The following CTDNEP1 variants were observed in gnomAD, a reference collection of about 807,000 sequenced individuals.
CTDNEP1 encodes C-terminal domain nuclear envelope phosphatase 1.
CTDNEP1 carries 3 observed loss-of-function variants against 30.1 expected under a neutral mutation model. The ratio of observed to expected loss-of-function variants is 0.10; its 90% CI spans 0.05 to 0.26. The LOEUF (loss-of-function observed/expected upper bound fraction) is 0.26, where lower values mean the gene tolerates loss of function less well. Among genes scored for constraint, CTDNEP1 ranks in the 10% least tolerant of loss-of-function variants. The pLI, the probability that CTDNEP1 is intolerant of heterozygous loss-of-function variation, is 1.00. For synonymous variants in CTDNEP1, 123 were observed against 118.8 expected (o/e 1.04, Z -0.23); for missense variants, 158 against 310.4 (o/e 0.51, Z 3.69).
In CTDNEP1 at chr17:7,243,880, TGTCACTCTGGCCA is replaced by T; in HGVS notation, c.*292_*304del. The T allele has an allele frequency of 8.6e-7, 1 of 1,158,290 alleles. No homozygotes were observed. Among genetic ancestry groups the T allele is most frequent in the South Asian group, 2.2e-5 (1 of 46,142 alleles). The allele number at this position is 1,158,290 out of a possible 1,614,324, so 71.8% of individuals were successfully genotyped here. A position where few individuals can be genotyped will look rare whatever the true frequency, so the allele number is the denominator to read the frequency against. On this transcript the variant is annotated 3_prime_UTR_variant, in exon 8 of 8. Transcript: ENST00000574322. Reference sequence around the variant, plus strand: ...TGAGCCTCCTGGATCACCGTATGTCTGTCACTCTGGCCAGTCCTGCCTCTTCACAAACACTGAT... The same window carrying T: ...TGAGCCTCCTGGATCACCGTATGTCTGTCCTGCCTCTTCACAAACACTGAT...
Position 7,246,857 on chromosome 17 carries a change from T to C in CTDNEP1, c.294A>G (p.Val98=), listed in dbSNP as rs747693333. The C allele has an allele frequency of 1.2e-6, 2 of 1,613,936 alleles. No homozygotes were observed. The highest frequency in any genetic ancestry group is 2.2e-5 in the South Asian group (2 of 91,078). The change falls in exon 4 of 8, where the codon GTA becomes GTG. Residue 98 remains valine, a synonymous_variant. Transcript: ENST00000574322. The surrounding 1 kb of genome is among the most constrained non-coding windows in gnomAD (Gnocchi z 4.9). ...GTPPDFILKV[V]IDKHPVRFFV... is the part of the protein sequence containing the mutation. ...AAAACCGGACAGGATGTTTGTCTAT[T>C]ACCACCTACAGAGGAACAAGATGGG...
intron 6 of CTDNEP1, among the ~76,000 whole-genome samples, chr17:7,245,254 T>G (rs2071820583): frequency 6.6e-6 from 1 of 151,932 alleles, no homozygotes; most frequent in South Asian, 2.1e-4. Flanking sequence ...ATCACGCCAC[T>G]GCATTCCAGC....
At chr17:7,249,630 G>C (rs769218731) in intron 1 of CTDNEP1, among the ~76,000 whole-genome samples, 3 of 152,170 alleles carry the variant, frequency 2.0e-5, no homozygotes, top group Non-Finnish European at 2.9e-5. Flanking sequence ...AAAGAAAACC[G>C]CTGGAGGCCG....
At chr17:7,245,075 G>A (rs781657063) in intron 6 of CTDNEP1, among the ~76,000 whole-genome samples, 9 of 152,282 alleles carry the variant, frequency 5.9e-5, no homozygotes, top group Non-Finnish European at 7.3e-5. Context: ...GACGAATCAC[G>A]AGGTCAGGAA....
chr17:7,249,393 G>A (rs1465165747), intron 1 of CTDNEP1, among the ~76,000 whole-genome samples: 1 of 152,164 alleles, frequency 6.6e-6, no homozygotes, highest in Non-Finnish European at 1.5e-5. Context: ...GCTATCTCGG[G>A]TTGCATATGC....
chr17:7,247,387 C>T (rs1388366266), intron 1 of CTDNEP1, 44 bp from the exon 2 acceptor site: 2 of 1,492,258 alleles, frequency 1.3e-6, no homozygotes, highest in Admixed American at 3.4e-5. Context: ...GATAAGGAAG[C>T]CTTCCCCAGT....
rs2071811511 is a variant in CTDNEP1, at chr17:7,244,342, T to G, written c.675-97A>C. ...CATCACTGGAGATGTGGGACCTAAA[T>G]TATCACCATATTCATGATTAGATAG... On this transcript the variant is annotated intron_variant, in intron 7 of 7. Coordinates refer to ENST00000574322, the MANE Select transcript of CTDNEP1 (RefSeq NM_001143775.2). 3 of 1,368,144 alleles carry G rather than the reference T, an allele frequency of 2.2e-6. No homozygotes were observed. The Admixed American group carries it at 5.5e-5, about 25-fold the overall frequency. 84.8% of individuals were successfully genotyped at this position (1,368,144 alleles called of 1,614,324 possible).
At chr17:7,250,214 G>C (rs1408536749) in intron 1 of CTDNEP1, among the ~76,000 whole-genome samples, 1 of 152,134 alleles carries the variant, frequency 6.6e-6, no homozygotes, top group East Asian at 1.9e-4. Flanking sequence ...AAATTGTATT[G>C]AGGTATGCTA....
intron 1 of CTDNEP1, among the ~76,000 whole-genome samples, chr17:7,248,942 A>G (rs2071878915): frequency 6.6e-6 from 1 of 152,172 alleles, no homozygotes; most frequent in Non-Finnish European, 1.5e-5. Context: ...TGTCCCTTCT[A>G]GCCAAGTCAC....
At position 7,247,000 on chromosome 17, in the gene CTDNEP1, A is replaced by G; in HGVS notation, c.288+64T>C. 1 of 1,427,480 alleles carries G rather than the reference A, an allele frequency of 7.0e-7. No individual in the cohort carries two copies. Among genetic ancestry groups the G allele is most frequent in the Non-Finnish European group, 9.9e-7 (1 of 1,014,740 alleles). 88.4% of individuals were successfully genotyped at this position (1,427,480 alleles called of 1,614,324 possible). A position where few individuals can be genotyped will look rare whatever the true frequency, so the allele number is the denominator to read the frequency against. Reference sequence around the variant, plus strand: ...GAGACAGATGCTCTGGGACTGGGAAAGGGAGTCCAGGTTTGGGCAGAGGAA... The same window carrying G: ...GAGACAGATGCTCTGGGACTGGGAAGGGGAGTCCAGGTTTGGGCAGAGGAA... On this transcript the variant is annotated intron_variant, in intron 3 of 7. Transcript: ENST00000574322. This position sits in a 1 kb window ranked among gnomAD's most constrained non-coding sequence, Gnocchi z 4.9.
intron 1 of CTDNEP1, 88 bp downstream of exon 1, chr17:7,251,107 G>A: frequency 2.2e-6 from 2 of 899,606 alleles, no homozygotes; most frequent in Non-Finnish European, 1.6e-6. Context: ...ACAGAGGCCC[G>A]ACACTCCGAA....
Position 7,246,696 on chromosome 17 carries a change from G to T in CTDNEP1, c.360+95C>A. The T allele has an allele frequency of 9.0e-7, 1 of 1,110,110 alleles. No individual in the cohort carries two copies. The highest frequency in any genetic ancestry group is 1.4e-6 in the Non-Finnish European group (1 of 740,206). 68.8% of individuals were successfully genotyped at this position (1,110,110 alleles called of 1,614,324 possible). A position where few individuals can be genotyped will look rare whatever the true frequency, so the allele number is the denominator to read the frequency against. ...CCCCTCTAGAAAACTGCTCTAACCC[G>T]TTTCTCCTCACCCCTTCCTCCAAAT... On this transcript the variant is annotated intron_variant, in intron 4 of 7. Transcript: ENST00000574322. This position sits in a 1 kb window ranked among gnomAD's most constrained non-coding sequence, Gnocchi z 4.9.
At chr17:7,249,145 C>A (rs569209945) in intron 1 of CTDNEP1, among the ~76,000 whole-genome samples, 1 of 152,302 alleles carries the variant, frequency 6.6e-6, no homozygotes, top group East Asian at 1.9e-4. Context: ...CTTCTCCAAG[C>A]ATTCTCTAGG....
intron 1 of CTDNEP1, among the ~76,000 whole-genome samples, chr17:7,250,788 C>T (rs9894707): frequency 0.09 from 13,587 of 151,766 alleles, 1,979 homozygotes; most frequent in African/African-American, 0.3. Context: ...TCTGTCTCTT[C>T]CTTGTTATAG....
In CTDNEP1 at chr17:7,246,495, G is replaced by C. The variant is rs2071839645; in HGVS notation, c.361-125C>G. ...TTCCATCAACATCAAATGTCTCTGA[G>C]GACACGAAATTCTGAACCCCCAGCC... On this transcript the variant is annotated intron_variant, in intron 4 of 7. Transcript: ENST00000574322. This position sits in a 1 kb window ranked among gnomAD's most constrained non-coding sequence, Gnocchi z 4.9. The C allele has an allele frequency of 1.3e-6, 1 of 750,792 alleles. No homozygotes were observed. Among genetic ancestry groups the C allele is most frequent in the African/African-American group, 1.7e-5 (1 of 57,476 alleles). The allele number at this position is 750,792 out of a possible 1,614,324, so 46.5% of individuals were successfully genotyped here.
At chr17:7,245,739 C>A (rs1454180235) in intron 6 of CTDNEP1, among the ~76,000 whole-genome samples, 2 of 152,090 alleles carry the variant, frequency 1.3e-5, no homozygotes, top group East Asian at 1.9e-4. Context: ...ACCTCGTGAT[C>A]CGCCTGCCTC....
chr17:7,244,829 G>C, intron 6 of CTDNEP1, 194 bp from the exon 7 acceptor site: 1 of 536,662 alleles, frequency 1.9e-6, no homozygotes, highest in East Asian at 3.3e-5. Context: ...ACCTATTGAT[G>C]CTTCTAGTCA....
intron 1 of CTDNEP1, among the ~76,000 whole-genome samples, chr17:7,249,657 C>A (rs879393901): frequency 1.3e-5 from 2 of 152,184 alleles, no homozygotes; most frequent in Non-Finnish European, 2.9e-5. Context: ...GTGGCTCAAT[C>A]CCAGTACTTT....
At chr17:7,250,423 C>A (rs2071899654) in intron 1 of CTDNEP1, among the ~76,000 whole-genome samples, 1 of 152,156 alleles carries the variant, frequency 6.6e-6, no homozygotes, top group Non-Finnish European at 1.5e-5. Context: ...TCCATCCGGA[C>A]AGTTTCCCTC....
Sources: gnomAD v4.1 joint callset for allele counts (sites outside exome capture counted in the v4.1 genomes callset) on GRCh38, gnomAD v4.1.1 for gene constraint, Gnocchi (gnomAD v3.1) non-coding constraint, MANE v1.5 for transcripts, NCBI Gene and HGNC (gene_info 2026-07-23, HGNC 2026-07-21) for gene names.